Variants in ZBTB7C observed in about 807,000 individuals in gnomAD.
The protein encoded by ZBTB7C is zinc finger and BTB domain containing 7C, also known as zinc finger and BTB domain-containing protein 7C.
In ZBTB7C, 8 loss-of-function variants were observed where a neutral mutation model predicts 25.7. The ratio of observed to expected loss-of-function variants is 0.31; its 90% CI spans 0.18 to 0.56. ZBTB7C has a LOEUF of 0.56. ZBTB7C is among the 20% of genes least tolerant of loss of function. ZBTB7C has a pLI of 0.91. For missense variants in ZBTB7C, 824 were observed against 855.2 expected, an observed-to-expected ratio of 0.96 and a Z score of 0.46; for synonymous variants, 394 against 369.0, an observed-to-expected ratio of 1.07 and a Z score of -0.78.
chr18:48,301,711 T>A (rs2045549547), intron 2 of ZBTB7C, among the ~76,000 whole-genome samples: 1 of 152,120 alleles, frequency 6.6e-6, no homozygotes, highest in Non-Finnish European at 1.5e-5. Context: ...CACAGCTGGA[T>A]GAGAGGCATT....
chr18:48,176,810 G>T lies in ZBTB7C; in HGVS notation c.-17+9124C>A, dbSNP rs191325700. On this transcript the variant is annotated intron_variant, in intron 3 of 4. Transcript: ENST00000590800. The stretch of plus-strand genomic sequence containing the variant: ...TAAATGTATGTTCCAATATTTGAAA[G>T]ATGCTTTCTTCTCTGTAGGAGTGGA... Among the ~76,000 whole-genome samples, 433 of 152,360 alleles carry T rather than the reference G, an allele frequency of 2.8e-3. 1 individual carries two copies. Among genetic ancestry groups the T allele is most frequent in the African/African-American group, 9.0e-3 (375 of 41,588 alleles).
chr18:48,147,476 C>T (rs1409827363), intron 3 of ZBTB7C, among the ~76,000 whole-genome samples: 1 of 152,168 alleles, frequency 6.6e-6, no homozygotes, highest in Admixed American at 6.5e-5. Context: ...TGACCCAAGA[C>T]CATGCAGAGC....
chr18:48,262,385 T>C (rs1488847313), intron 2 of ZBTB7C, among the ~76,000 whole-genome samples: 1 of 152,190 alleles, frequency 6.6e-6, no homozygotes, highest in Non-Finnish European at 1.5e-5. Flanking sequence ...CACCCTGTGG[T>C]CCTGCCCTGC....
intron 4 of ZBTB7C, among the ~76,000 whole-genome samples, chr18:48,033,183 C>T (rs764088655): frequency 1.4e-4 from 21 of 152,266 alleles, no homozygotes; most frequent in African/African-American, 4.1e-4. Context: ...TCTGGGTTTG[C>T]GTGAGCTAGA....
At chr18:48,152,232 C>A (rs1229737584) in intron 3 of ZBTB7C, among the ~76,000 whole-genome samples, 1 of 151,972 alleles carries the variant, frequency 6.6e-6, no homozygotes, top group African/African-American at 2.4e-5. Context: ...AAACCATATG[C>A]AAAACTGTAC....
intron 2 of ZBTB7C, among the ~76,000 whole-genome samples, chr18:48,335,349 C>T (rs1266762774): frequency 6.6e-6 from 1 of 152,172 alleles, no homozygotes; most frequent in Non-Finnish European, 1.5e-5. Context: ...CTCATAGTTA[C>T]CTAGCAAGAT....
At chr18:48,385,750 C>T (rs938612263) in intron 1 of ZBTB7C, among the ~76,000 whole-genome samples, 3 of 152,184 alleles carry the variant, frequency 2.0e-5, no homozygotes, top group South Asian at 2.1e-4. Context: ...CGATATTTGC[C>T]GAGTCGTGAT....
At chr18:48,370,737 C>T (rs1015138257) in intron 1 of ZBTB7C, among the ~76,000 whole-genome samples, 4 of 152,204 alleles carry the variant, frequency 2.6e-5, no homozygotes, top group African/African-American at 4.8e-5. Context: ...CACACACACA[C>T]TGCCTACGAA....
intron 2 of ZBTB7C, among the ~76,000 whole-genome samples, chr18:48,196,297 C>T (rs1282313257): frequency 6.6e-6 from 1 of 152,180 alleles, no homozygotes; most frequent in Non-Finnish European, 1.5e-5. Flanking sequence ...AGATGCCTTT[C>T]CCCTCCGTGC....
At chr18:48,130,457 A>G (rs927351681) in intron 3 of ZBTB7C, among the ~76,000 whole-genome samples, 1 of 152,196 alleles carries the variant, frequency 6.6e-6, no homozygotes, top group Non-Finnish European at 1.5e-5. Flanking sequence ...CAGGGCAACA[A>G]CACGGGTGAT....
chr18:48,209,803 CAAAAT>C (rs1437096859), intron 2 of ZBTB7C, among the ~76,000 whole-genome samples: 2 of 150,272 alleles, frequency 1.3e-5, no homozygotes, highest in East Asian at 1.9e-4. Flanking sequence ...GGACAAATGA[CAAAAT>C]AAAACATAAA....
chr18:48,357,841 C>T (rs1020813463), intron 1 of ZBTB7C, among the ~76,000 whole-genome samples: 4 of 152,194 alleles, frequency 2.6e-5, no homozygotes, highest in South Asian at 2.1e-4. Context: ...CCTAAACTAA[C>T]GGCACAGAGT....
intron 3 of ZBTB7C, among the ~76,000 whole-genome samples, chr18:48,113,093 T>G (rs2039304347): frequency 6.6e-6 from 1 of 152,186 alleles, no homozygotes. Context: ...TGGGGTGATA[T>G]TTCTTGAGGA....
At chr18:48,175,650 C>T (rs76445548) in intron 3 of ZBTB7C, among the ~76,000 whole-genome samples, 6,154 of 152,168 alleles carry the variant, frequency 0.04, 141 homozygotes, top group Middle Eastern at 0.088. Context: ...TACCATTCCT[C>T]GCTAAAAGGA....
chr18:48,037,095 C>T (rs2036004925), intron 4 of ZBTB7C, among the ~76,000 whole-genome samples: 1 of 152,190 alleles, frequency 6.6e-6, no homozygotes, highest in Non-Finnish European at 1.5e-5. Context: ...TCTCCTCCAC[C>T]CTGCCTTTCC....
At chr18:48,401,160 G>A (rs529418310) in intron 1 of ZBTB7C, among the ~76,000 whole-genome samples, 3 of 152,294 alleles carry the variant, frequency 2.0e-5, no homozygotes, top group African/African-American at 7.2e-5. Flanking sequence ...ATTCCTGTAG[G>A]CTGGGATTTT....
At position 48,029,658 on chromosome 18, in the gene ZBTB7C, C is replaced by T; in HGVS notation, c.1462G>A (p.Ala488Thr). ...CCGGGCCCGAAGAGCAGGCTGGCGGCCCTCCACGCAGCAGGCTTGCGGCCG... is the reference window on the plus strand; with the variant it reads ...CCGGGCCCGAAGAGCAGGCTGGCGGTCCTCCACGCAGCAGGCTTGCGGCCG... ...RRGRKPAAWR[A>T]ASLLFGPGGP... The change falls in exon 5 of 5, where the codon GCC becomes ACC. Residue 488 changes from alanine (A) to threonine (T), a missense_variant. Transcript: ENST00000590800. 6.4e-7 allele frequency: 1 copy of T among 1,554,980 alleles called. No homozygotes were observed.
Position 48,040,845 on chromosome 18 carries a change from A to T in ZBTB7C, c.263T>A (p.Ile88Asn). The change falls in exon 4 of 5, where the codon ATC (isoleucine) becomes AAC (asparagine). Residue 88 changes from isoleucine (I) to asparagine (N), a missense_variant. Ile to Asn is a moderately radical substitution (Grantham distance 149, BLOSUM62 -3). This residue lies in a region of ZBTB7C where 117 missense variants were observed against 167.7 expected (regional missense o/e 0.70). Coordinates refer to ENST00000590800, the MANE Select transcript of ZBTB7C (RefSeq NM_001318841.2). ...DFVQPEALAA[I>N]LEFAYTSTLT... ...CGTGGAGGTGTAGGCGAACTCCAGG[A>T]TAGCAGCCAGAGCCTCAGGCTGGAC... The T allele has an allele frequency of 6.2e-7, 1 of 1,613,990 alleles. No homozygotes were observed. The highest frequency in any genetic ancestry group is 8.5e-7 in the Non-Finnish European group (1 of 1,179,962).
At chr18:48,083,964 C>T (rs1265547751) in intron 3 of ZBTB7C, 1 of 893,102 alleles carries the variant, frequency 1.1e-6, no homozygotes. Flanking sequence ...GACCGACTCT[C>T]CAGGGTCGTC....
Sources: allele counts gnomAD v4.1 joint callset (sites outside exome capture counted in the v4.1 genomes callset), GRCh38; gene constraint gnomAD v4.1.1; regional missense constraint gnomAD v4.1.1; transcripts MANE v1.5; gene names NCBI Gene and HGNC (gene_info 2026-07-23, HGNC 2026-07-21).